The following ANKRD33 variants were observed in gnomAD, a reference collection of about 807,000 sequenced individuals.
The protein encoded by ANKRD33 is photoreceptor ankyrin repeat protein.
In ANKRD33, 20 loss-of-function variants were observed where a neutral mutation model predicts 20.6. The ratio of observed to expected loss-of-function variants is 0.97; its 90% CI spans 0.68 to 1.41. The LOEUF (loss-of-function observed/expected upper bound fraction) is 1.41, where lower values mean the gene tolerates loss of function less well. ANKRD33 is among the 40% of genes most tolerant of loss of function. The probability of loss-of-function intolerance (pLI) is 0.00; values close to 1 mark genes in which losing one functional copy is unlikely to be tolerated. For missense variants in ANKRD33, 545 were observed against 579.6 expected (o/e 0.94, Z 0.61); for synonymous variants, 246 against 245.0 (o/e 1.00, Z -0.04).
At position 51,890,576 on chromosome 12, in the gene ANKRD33, C is replaced by T. The variant is rs1940386484; in HGVS notation, c.638-8C>T. ...CCGCCCCATGTCACCCCCTGTGCTC[C>T]TTCCCAGGTGCTGACCTGACAGCAG... On this transcript the variant is annotated splice_region_variant and splice_polypyrimidine_tract_variant and intron_variant, in intron 4 of 4. Coordinates refer to ENST00000301190, the MANE Select transcript of ANKRD33 (RefSeq NM_182608.4). 6.2e-7 allele frequency: 1 copy of T among 1,608,764 alleles called. No individual in the cohort carries two copies. The highest frequency in any genetic ancestry group is 1.3e-5 in the African/African-American group (1 of 74,926).
In ANKRD33 at chr12:51,889,431, C is replaced by T. The variant is rs746689345; in HGVS notation, c.586C>T (p.Arg196Trp). The T allele has an allele frequency of 2.7e-5, 43 of 1,613,922 alleles. No individual in the cohort carries two copies. Among genetic ancestry groups the T allele is most frequent in the African/African-American group, 2.4e-4 (18 of 74,908 alleles). ...NYYVGLDLER[R>W]DQRGLTALMK... ...CTATGTGGGCCTGGACCTGGAACGC[C>T]GGGACCAGCGGGGGCTCACGGCGTT... The change falls in exon 4 of 5, where the codon CGG (arginine) becomes TGG (tryptophan). Residue 196 changes from arginine to tryptophan, a missense_variant. Arg to Trp is a moderately radical substitution (Grantham distance 101). Coordinates refer to ENST00000301190, the MANE Select transcript of ANKRD33 (RefSeq NM_182608.4).
Position 51,888,138 on chromosome 12 carries a change from C to T in ANKRD33, c.-49C>T. 6.2e-7 allele frequency: 1 copy of T among 1,602,350 alleles called. No individual in the cohort carries two copies. The highest frequency in any genetic ancestry group is 8.5e-7 in the Non-Finnish European group (1 of 1,173,792). ...CACCCGCCCCGCATGGGGCCCCAGT[C>T]CCAGCTGCTTGATCCGGCTCAGCCC... On this transcript the variant is annotated 5_prime_UTR_variant, in exon 1 of 5. Coordinates refer to ENST00000301190, the MANE Select transcript of ANKRD33 (RefSeq NM_182608.4).
At position 51,889,338 on chromosome 12, in the gene ANKRD33, C is replaced by G. The variant is rs764553468; in HGVS notation, c.527-34C>G. 9.3e-6 allele frequency: 15 copies of G among 1,610,402 alleles called. 1 individual carries two copies. Among genetic ancestry groups the G allele is most frequent in the Non-Finnish European group, 4.2e-6 (5 of 1,177,766 alleles). On this transcript the variant is annotated intron_variant, in intron 3 of 4. Coordinates refer to ENST00000301190, the MANE Select transcript of ANKRD33 (RefSeq NM_182608.4). ...GTTTGGGAGCTTCATCACCCCCTTT[C>G]CTGGGGACCAAGCTTACCCTTGCTG...
rs35851809 is a variant in ANKRD33, at chr12:51,889,081, C to T, written c.411C>T (p.Val137=). The T allele has an allele frequency of 3.1e-4, 502 of 1,614,124 alleles. No homozygotes were observed. The African/African-American group carries it at 6.0e-3, about 19-fold the overall frequency. ...VDSNGRTGLM[V]ACYHGFQSVV... ...CCCTCCCTCAGACAGGCCTCATGGT[C>T]GCATGCTACCACGGCTTCCAGAGTG... The change falls in exon 3 of 5, where the codon GTC becomes GTT. Residue 137 remains valine, a synonymous_variant. Coordinates refer to ENST00000301190, the MANE Select transcript of ANKRD33 (RefSeq NM_182608.4).
At position 51,888,107 on chromosome 12, in the gene ANKRD33, C is replaced by T. The variant is rs1940282103; in HGVS notation, c.-80C>T. ...GGCTGGTCTGAGTCCGCTCCTGAGA[C>T]GTGACCACCCGCCCCGCATGGGGCC... is the stretch of plus-strand genomic sequence containing the variant. On this transcript the variant is annotated 5_prime_UTR_variant, in exon 1 of 5. In the 5' UTR this introduces an upstream ATG that the reference lacks. Coordinates refer to ENST00000301190, the MANE Select transcript of ANKRD33 (RefSeq NM_182608.4). 4 of 1,527,832 alleles carry T rather than the reference C, an allele frequency of 2.6e-6. No homozygotes were observed. Among genetic ancestry groups the T allele is most frequent in the Admixed American group, 1.9e-5 (1 of 53,514 alleles). The allele number at this position is 1,527,832 out of a possible 1,614,324, so 94.6% of individuals were successfully genotyped here. A position where few individuals can be genotyped will look rare whatever the true frequency, so the allele number is the denominator to read the frequency against.
At position 51,890,773 on chromosome 12, in the gene ANKRD33, A is replaced by G; in HGVS notation, c.827A>G (p.Gln276Arg). 1 of 1,605,194 alleles carries G rather than the reference A, an allele frequency of 6.2e-7. No individual in the cohort carries two copies. Residue 276 changes from glutamine (Q) to arginine (R), a missense_variant, in exon 5 of 5, where the codon CAG becomes CGG. Physicochemically the swap from Gln to Arg is conservative, Grantham distance 43 (BLOSUM62 1). Transcript: ENST00000301190. ...LSGLVAQAQA[Q>R]AQVAPSLLER... ...GGGCTCGTGGCCCAGGCCCAGGCCCAGGCCCAGGTTGCCCCTTCACTCCTA... is the reference window on the plus strand; with the variant it reads ...GGGCTCGTGGCCCAGGCCCAGGCCCGGGCCCAGGTTGCCCCTTCACTCCTA...
At position 51,888,662 on chromosome 12, in the gene ANKRD33, G is replaced by A. The variant is rs536252072; in HGVS notation, c.240G>A (p.Glu80=). ...ALHRRRLDMS[E]ALPCPGKETP... ...ACAGGAGACGGCTGGACATGTCTGA[G>A]GCACTGCCCTGCCCGGGCAAGGAGA... The change falls in exon 2 of 5, where the codon GAG becomes GAA. Residue 80 remains glutamate, a synonymous_variant. Transcript: ENST00000301190. The A allele has an allele frequency of 4.3e-6, 7 of 1,610,856 alleles. No homozygotes were observed. The African/African-American group carries it at 9.3e-5, about 21-fold the overall frequency.
chr12:51,888,770 T>A lies in ANKRD33; in HGVS notation c.348T>A (p.Asp116Glu), dbSNP rs1940306156. ...NDPTQLQAIL[D>E]GGVSPEEATQ... Reference sequence around the variant, plus strand: ...CCACCCAGCTCCAAGCCATACTGGATGGTGGGGTCTCCCCAGAGGAGGCCA... The same window carrying A: ...CCACCCAGCTCCAAGCCATACTGGAAGGTGGGGTCTCCCCAGAGGAGGCCA... The change falls in exon 2 of 5, where the codon GAT (aspartate) becomes GAA (glutamate). Residue 116 changes from aspartate to glutamate, a missense_variant. By Grantham distance (45) the Asp-to-Glu change is conservative. Coordinates refer to ENST00000301190, the MANE Select transcript of ANKRD33 (RefSeq NM_182608.4). 2 of 1,613,994 alleles carry A rather than the reference T, an allele frequency of 1.2e-6. No individual in the cohort carries two copies. Among genetic ancestry groups the A allele is most frequent in the African/African-American group, 1.3e-5 (1 of 75,044 alleles).
chr12:51,891,269 G>C lies in ANKRD33; in HGVS notation c.1323G>C (p.Arg441Ser), dbSNP rs1414701083. Residue 441 changes from arginine to serine, a missense_variant, in exon 5 of 5, where the codon AGG (arginine) becomes AGC (serine). Coordinates refer to ENST00000301190, the MANE Select transcript of ANKRD33 (RefSeq NM_182608.4). ...ACCAGGAGCTCAGGATAGAGAAGAG[G>C]AAACAGGAGGAGGAGGCCAGAATGG... The part of the protein sequence containing the change: ...WRYQELRIEK[R>S]KQEEEARMAQ... 8 of 1,614,082 alleles carry C rather than the reference G, an allele frequency of 5.0e-6. No homozygotes were observed. Among genetic ancestry groups the C allele is most frequent in the Non-Finnish European group, 5.9e-6 (7 of 1,180,026 alleles).
Position 51,888,122 on chromosome 12 carries a change from C to T in ANKRD33, c.-65C>T. The stretch of plus-strand genomic sequence containing the variant: ...GCTCCTGAGACGTGACCACCCGCCC[C>T]GCATGGGGCCCCAGTCCCAGCTGCT... On this transcript the variant is annotated 5_prime_UTR_variant, in exon 1 of 5. Transcript: ENST00000301190. 6.3e-7 allele frequency: 1 copy of T among 1,587,348 alleles called. No individual in the cohort carries two copies. Among genetic ancestry groups the T allele is most frequent in the Non-Finnish European group, 8.6e-7 (1 of 1,165,504 alleles).
chr12:51,891,390 C>A lies in ANKRD33; in HGVS notation c.*85C>A. 6.7e-7 allele frequency: 1 copy of A among 1,496,936 alleles called. No individual in the cohort carries two copies. The highest frequency in any genetic ancestry group is 1.3e-5 in the South Asian group (1 of 77,016). The allele number at this position is 1,496,936 out of a possible 1,614,324, so 92.7% of individuals were successfully genotyped here. ...CCCCTCTGGAGTGCCTCCGGCCTCC[C>A]CATCCACCTCTGCCTAAGTAAATCT... On this transcript the variant is annotated 3_prime_UTR_variant, in exon 5 of 5. Coordinates refer to ENST00000301190, the MANE Select transcript of ANKRD33 (RefSeq NM_182608.4).
chr12:51,890,494 C>A, intron 4 of ANKRD33, 90 bp from the exon 5 acceptor site: 1 of 1,538,420 alleles, frequency 6.5e-7, no homozygotes, highest in Non-Finnish European at 8.7e-7. Flanking sequence ...TCGAATGTAA[C>A]CCACATCAGT....
intron 2 of ANKRD33, 26 bp downstream of exon 2, chr12:51,888,844 A>G: frequency 1.2e-6 from 2 of 1,610,392 alleles, no homozygotes; most frequent in Non-Finnish European, 1.7e-6. Context: ...TTCCCAGAAC[A>G]GCTGGGGGCA....
In ANKRD33 at chr12:51,891,538, T is replaced by C; in HGVS notation, c.*233T>C. 1 of 662,228 alleles carries C rather than the reference T, an allele frequency of 1.5e-6. No individual in the cohort carries two copies. The allele number at this position is 662,228 out of a possible 1,614,324, so 41.0% of individuals were successfully genotyped here. On this transcript the variant is annotated 3_prime_UTR_variant, in exon 5 of 5. Transcript: ENST00000301190. ...CTAGATTGATTACGGATGTAATTGC[T>C]GTCCATCCATACAGAGCATACTCTA...
At position 51,888,276 on chromosome 12, in the gene ANKRD33, C is replaced by T. The variant is rs697634; in HGVS notation, c.90C>T (p.Arg30=). 527,879 of 1,612,268 alleles carry T rather than the reference C, an allele frequency of 0.33. 90,119 individuals carry two copies. The highest frequency in any genetic ancestry group is 0.48 in the Admixed American group (28,544 of 59,970). The change falls in exon 1 of 5, where the codon CGC becomes CGT. Residue 30 remains arginine, a synonymous_variant. Transcript: ENST00000301190. ...TCGGAGACCCAGTGATTGTGCTCCG[C>T]GGAGCCTGGGCTGTGCCCCGCGTTG... is the stretch of plus-strand genomic sequence containing the variant. The part of the protein sequence containing the change: ...EAFGDPVIVL[R]GAWAVPRVDC...
intron 4 of ANKRD33, chr12:51,890,303 G>A (rs947331609): frequency 1.4e-5 from 10 of 695,366 alleles, no homozygotes; most frequent in African/African-American, 1.1e-4. Context: ...AGCCTGCACC[G>A]CTGCTCTGCT....
rs1422772502 is a variant in ANKRD33, at chr12:51,890,563, A to AC, written c.638-16dup. ...ACCAACCCCTATCCCGCCCCATGTC[A>AC]CCCCCTGTGCTCCTTCCCAGGTGCT... On this transcript the variant is annotated intron_variant, in intron 4 of 4. Transcript: ENST00000301190. 1.9e-6 allele frequency: 3 copies of AC among 1,603,194 alleles called. No individual in the cohort carries two copies. The African/African-American group carries it at 4.0e-5, about 21-fold the overall frequency.
intron 2 of ANKRD33, 68 bp downstream of exon 2, chr12:51,888,886 G>C: frequency 6.2e-7 from 1 of 1,601,080 alleles, no homozygotes; most frequent in South Asian, 1.1e-5. Flanking sequence ...GTCCTGGCCT[G>C]GCTCCCTGAG....
At position 51,890,806 on chromosome 12, in the gene ANKRD33, T is replaced by C; in HGVS notation, c.860T>C (p.Leu287Pro). The C allele has an allele frequency of 6.2e-7, 1 of 1,608,660 alleles. No homozygotes were observed. Among genetic ancestry groups the C allele is most frequent in the South Asian group, 1.1e-5 (1 of 90,922 alleles). Residue 287 changes from leucine to proline, a missense_variant, in exon 5 of 5, where the codon CTG becomes CCG. Leu to Pro is a moderately conservative substitution (Grantham distance 98, BLOSUM62 -3). Transcript: ENST00000301190. ...GTTGCCCCTTCACTCCTAGAACGGCTGCAGGCTACCTTGAGCCTCCCCTTT... is the reference window on the plus strand; with the variant it reads ...GTTGCCCCTTCACTCCTAGAACGGCCGCAGGCTACCTTGAGCCTCCCCTTT... Reference protein sequence around the residue: ...AQVAPSLLERLQATLSLPFAP... With the variant: ...AQVAPSLLERPQATLSLPFAP...
Sources: gnomAD v4.1 joint callset for allele counts on GRCh38, gnomAD v4.1.1 for gene constraint, MANE v1.5 for transcripts, NCBI Gene and HGNC (gene_info 2026-07-23, HGNC 2026-07-21) for gene names.